The following AP2B1 variants were observed in gnomAD, a reference collection of about 807,000 sequenced individuals.
AP2B1 encodes the protein AP-2 complex subunit beta.
Under a neutral mutation model 102.0 loss-of-function variants are expected in AP2B1, and 23 were observed. The ratio of observed to expected loss-of-function variants is 0.23; its 90% confidence interval spans 0.16 to 0.32. The LOEUF (loss-of-function observed/expected upper bound fraction) is 0.32. Among genes scored for constraint, AP2B1 ranks in the 10% least tolerant of loss-of-function variants. The probability of loss-of-function intolerance (pLI) is 1.00; values close to 1 mark genes in which losing one functional copy is unlikely to be tolerated. For missense variants in AP2B1, 541 were observed against 1,157.4 expected, an observed-to-expected ratio of 0.47 and a Z score of 7.73; for synonymous variants, 381 against 421.2, an observed-to-expected ratio of 0.90 and a Z score of 1.17.
At chr17:35,672,299 T>G (rs991993640) in intron 16 of AP2B1, among the ~76,000 whole-genome samples, 1 of 152,226 alleles carries the variant, frequency 6.6e-6, no homozygotes, top group East Asian at 1.9e-4. Flanking sequence ...AGAATGCCAC[T>G]GCTCAGATGT....
chr17:35,676,102 G>C (rs1413448447), intron 17 of AP2B1, among the ~76,000 whole-genome samples: 1 of 152,088 alleles, frequency 6.6e-6, no homozygotes, highest in African/African-American at 2.4e-5. Flanking sequence ...TTTTAGTGTG[G>C]AGTTTCCCAC....
chr17:35,594,809 G>T (rs2073211810), intron 2 of AP2B1, among the ~76,000 whole-genome samples: 1 of 152,158 alleles, frequency 6.6e-6, no homozygotes, highest in Non-Finnish European at 1.5e-5. Flanking sequence ...TTACCTATGA[G>T]TTTGGGTCTA....
In AP2B1 at chr17:35,681,949, C is replaced by CT. The variant is rs1192385455; in HGVS notation, c.2325-745dup. Among the ~76,000 whole-genome samples the CT allele has an allele frequency of 2.0e-5, 3 of 152,262 alleles. No homozygotes were observed. The East Asian group carries it at 5.8e-4, about 29-fold the overall frequency. On this transcript the variant is annotated intron_variant, in intron 17 of 21. Transcript: ENST00000610402. ...AAATTGGCATTGAGCACCTTGATTC[C>CT]TGCTATCCCTTTTATTTAATTGTAT...
intron 9 of AP2B1, among the ~76,000 whole-genome samples, chr17:35,629,813 G>A (rs2039046841): frequency 6.6e-6 from 1 of 152,172 alleles, no homozygotes; most frequent in Non-Finnish European, 1.5e-5. Flanking sequence ...AGGGCAGATT[G>A]GTTTCTAGCT....
chr17:35,683,381 C>T (rs974532312), intron 18 of AP2B1, among the ~76,000 whole-genome samples: 2 of 152,034 alleles, frequency 1.3e-5, no homozygotes, highest in Non-Finnish European at 2.9e-5. Flanking sequence ...ATTTGTAAAC[C>T]TTTTTTCCTT....
chr17:35,666,926 A>G (rs915730828), intron 14 of AP2B1, among the ~76,000 whole-genome samples: 1 of 152,236 alleles, frequency 6.6e-6, no homozygotes, highest in East Asian at 1.9e-4. Flanking sequence ...GCTTGAGCCC[A>G]GGAAGTTAGA....
intron 15 of AP2B1, 49 bp from the exon 16 acceptor site, chr17:35,671,705 T>C: frequency 6.3e-7 from 1 of 1,583,940 alleles, no homozygotes; most frequent in Non-Finnish European, 8.6e-7. Context: ...TAAGGACTGT[T>C]AATCTGTTCT....
At chr17:35,608,004 C>T in intron 4 of AP2B1, 138 bp from the exon 5 acceptor site, 2 of 995,882 alleles carry the variant, frequency 2.0e-6, no homozygotes, top group Non-Finnish European at 2.9e-6. Flanking sequence ...AAAGGAATAG[C>T]ATGGAAGATT....
At chr17:35,608,484 A>T in intron 5 of AP2B1, 97 bp downstream of exon 5, 2 of 1,410,162 alleles carry the variant, frequency 1.4e-6, no homozygotes, top group Non-Finnish European at 2.0e-6. Context: ...ATACTGGGTT[A>T]TGGGGTAGCT....
chr17:35,642,043 T>A, intron 12 of AP2B1, 68 bp downstream of exon 12: 1 of 1,168,788 alleles, frequency 8.6e-7, no homozygotes, highest in Non-Finnish European at 1.3e-6. Context: ...TATGAAACTC[T>A]TCCTAGGGGA....
intron 10 of AP2B1, among the ~76,000 whole-genome samples, chr17:35,636,679 A>G (rs114200314): frequency 0.015 from 2,261 of 152,308 alleles, 55 homozygotes; most frequent in African/African-American, 0.051. Context: ...CTGAATATGC[A>G]TTGTCTATTG....
chr17:35,619,054 A>G (rs1419616708), intron 5 of AP2B1, among the ~76,000 whole-genome samples: 3 of 152,214 alleles, frequency 2.0e-5, no homozygotes, highest in East Asian at 1.9e-4. Context: ...TGGAAGCTCT[A>G]TAAATGCTGG....
intron 18 of AP2B1, among the ~76,000 whole-genome samples, chr17:35,706,618 A>G (rs1568028337): frequency 6.6e-6 from 1 of 151,454 alleles, no homozygotes; most frequent in Non-Finnish European, 1.5e-5. Flanking sequence ...ATGACCCACC[A>G]TTAGCCTACC....
intron 3 of AP2B1, among the ~76,000 whole-genome samples, chr17:35,600,563 G>T (rs2073444026): frequency 6.6e-6 from 1 of 152,126 alleles, no homozygotes. Context: ...AAGGTTGAAT[G>T]CAGGAACTTA....
intron 5 of AP2B1, among the ~76,000 whole-genome samples, chr17:35,616,189 G>A (rs1435283585): frequency 2.0e-5 from 2 of 99,606 alleles, no homozygotes; most frequent in Non-Finnish European, 3.6e-5. Context: ...TTTGGAGACG[G>A]AGTCTCGCTC....
chr17:35,654,749 T>G (rs541305632), intron 13 of AP2B1, among the ~76,000 whole-genome samples: 1 of 152,316 alleles, frequency 6.6e-6, no homozygotes, highest in African/African-American at 2.4e-5. Flanking sequence ...CTTTACTTTT[T>G]CCTTAAATGT....
intron 3 of AP2B1, among the ~76,000 whole-genome samples, chr17:35,603,903 G>A (rs1012222054): frequency 6.6e-6 from 1 of 152,102 alleles, no homozygotes; most frequent in African/African-American, 2.4e-5. Flanking sequence ...TTGCTATTGT[G>A]TCTGCTGAAA....
At chr17:35,719,064 TG>T (rs1239301002) in intron 21 of AP2B1, among the ~76,000 whole-genome samples, 18 of 152,312 alleles carry the variant, frequency 1.2e-4, no homozygotes, top group Admixed American at 5.2e-4. Context: ...TATTTTATTT[TG>T]AAATAAAGAC....
chr17:35,693,784 T>C (rs960275647), intron 18 of AP2B1, among the ~76,000 whole-genome samples: 1 of 152,174 alleles, frequency 6.6e-6, no homozygotes, highest in Non-Finnish European at 1.5e-5. Flanking sequence ...TAGCTCCCAC[T>C]GTGCTCCTGA....
Sources: gnomAD v4.1 joint callset for allele counts (sites outside exome capture counted in the v4.1 genomes callset) on GRCh38, gnomAD v4.1.1 for gene constraint, MANE v1.5 for transcripts, NCBI Gene and HGNC (gene_info 2026-07-23, HGNC 2026-07-21) for gene names.